LAT: variants seen among roughly 807,000 people sequenced by gnomAD.
LAT encodes the protein linker for activation of T cells.
In LAT, 12 loss-of-function variants were observed where a neutral mutation model predicts 39.1. That is an observed-to-expected ratio of 0.31 (90% confidence interval 0.20 to 0.50). The LOEUF (loss-of-function observed/expected upper bound fraction) is 0.50, where lower values mean the gene tolerates loss of function less well. Ranked by LOEUF, LAT falls within the 20% of genes least tolerant of loss-of-function variation. LAT has a pLI of 0.98. For missense variants in LAT, 253 were observed against 308.0 expected (o/e 0.82, Z 1.34); for synonymous variants, 117 against 123.8 (o/e 0.95, Z 0.36).
rs1185943597 is a variant in LAT, at chr16:28,985,534, TG to T, written c.100+22del. 6.2e-7 allele frequency: 1 copy of T among 1,612,008 alleles called. No homozygotes were observed. Among genetic ancestry groups the T allele is most frequent in the Non-Finnish European group, 8.5e-7 (1 of 1,178,820 alleles). Reference sequence around the variant, plus strand: ...GACTGCCAGGTGAGTGGGAAACTGGTGGGGGTACCCAGGGCCCAGGGACACC... The same window carrying T: ...GACTGCCAGGTGAGTGGGAAACTGGTGGGGTACCCAGGGCCCAGGGACACC... On this transcript the variant is annotated intron_variant, in intron 1 of 11. Transcript: ENST00000395456. The surrounding 1 kb of genome is among the most constrained non-coding windows in gnomAD (Gnocchi z 4.6).
In LAT at chr16:28,990,640, A is replaced by C. The variant is rs1038493798; in HGVS notation, c.*459A>C. On this transcript the variant is annotated 3_prime_UTR_variant, in exon 12 of 12. Transcript: ENST00000395456. Reference sequence around the variant, plus strand: ...GCTGGGGGTGAGGACACATTGCCCCATGAGACAGTCCCAGAACACGGCAGC... The same window carrying C: ...GCTGGGGGTGAGGACACATTGCCCCCTGAGACAGTCCCAGAACACGGCAGC... 3 of 188,722 alleles carry C rather than the reference A, an allele frequency of 1.6e-5. No homozygotes were observed. Among genetic ancestry groups the C allele is most frequent in the Admixed American group, 5.8e-5 (1 of 17,364 alleles). The allele number at this position is 188,722 out of a possible 1,614,324, so 11.7% of individuals were successfully genotyped here. A position where few individuals can be genotyped will look rare whatever the true frequency, so the allele number is the denominator to read the frequency against.
chr16:28,986,613 G>C lies in LAT; in HGVS notation c.340+44G>C. The stretch of plus-strand genomic sequence containing the variant: ...GTGCCCAGGCTGGGTGGGGAGTCTG[G>C]GGTCCGTCCTGGACTAGGCTGACCC... On this transcript the variant is annotated intron_variant, in intron 6 of 11. Transcript: ENST00000395456. The surrounding 1 kb of genome is among the most constrained non-coding windows in gnomAD (Gnocchi z 5.7). 1.2e-6 allele frequency: 2 copies of C among 1,613,900 alleles called. No individual in the cohort carries two copies. Among genetic ancestry groups the C allele is most frequent in the East Asian group, 4.5e-5 (2 of 44,876 alleles).
Position 28,986,587 on chromosome 16 carries a change from G to A in LAT, c.340+18G>A, listed in dbSNP as rs775238350. 9 of 1,613,638 alleles carry A rather than the reference G, an allele frequency of 5.6e-6. No homozygotes were observed. The highest frequency in any genetic ancestry group is 7.6e-6 in the Non-Finnish European group (9 of 1,179,658). On this transcript the variant is annotated intron_variant, in intron 6 of 11. Transcript: ENST00000395456. The surrounding 1 kb of genome is among the most constrained non-coding windows in gnomAD (Gnocchi z 5.7). ...GAACGAGGGTGCGTCTGGGATCCGA[G>A]GTGCCCAGGCTGGGTGGGGAGTCTG...
chr16:28,986,766 C>G lies in LAT; in HGVS notation c.399-33C>G, dbSNP rs372754605. On this transcript the variant is annotated intron_variant, in intron 7 of 11. Coordinates refer to ENST00000395456, the MANE Select transcript of LAT (RefSeq NM_001014987.2). The surrounding 1 kb of genome is among the most constrained non-coding windows in gnomAD (Gnocchi z 5.7). Reference sequence around the variant, plus strand: ...GTGAGGGCTGAGGCTGTGCGTCCCCCCTTGCTCACCGGCCCTTTTCACTTC... The same window carrying G: ...GTGAGGGCTGAGGCTGTGCGTCCCCGCTTGCTCACCGGCCCTTTTCACTTC... The G allele has an allele frequency of 1.2e-6, 2 of 1,610,920 alleles. No individual in the cohort carries two copies. Among genetic ancestry groups the G allele is most frequent in the East Asian group, 2.2e-5 (1 of 44,834 alleles).
In LAT at chr16:28,985,164, C is replaced by G; in HGVS notation, c.-254C>G. 1 of 1,429,390 alleles carries G rather than the reference C, an allele frequency of 7.0e-7. No individual in the cohort carries two copies. Among genetic ancestry groups the G allele is most frequent in the Non-Finnish European group, 9.1e-7 (1 of 1,096,446 alleles). The allele number at this position is 1,429,390 out of a possible 1,614,324, so 88.5% of individuals were successfully genotyped here. A position where few individuals can be genotyped will look rare whatever the true frequency, so the allele number is the denominator to read the frequency against. On this transcript the variant is annotated 5_prime_UTR_variant, in exon 1 of 12. Transcript: ENST00000395456. The surrounding 1 kb of genome is among the most constrained non-coding windows in gnomAD (Gnocchi z 4.6). ...CTGGATCCCCCGACTTCAGCCCAGG[C>G]CCTGGTCTGACCACCCTGGGAGCAG...
At chr16:28,989,650 G>A (rs1965829804) in intron 9 of LAT, 61 bp downstream of exon 9, 7 of 1,588,174 alleles carry the variant, frequency 4.4e-6, no homozygotes, top group Admixed American at 3.4e-5. Flanking sequence ...CATGCTCTCA[G>A]TGTGACCAGA....
rs763428554 is a variant in LAT at position 28,990,659 on chromosome 16, C to G, written c.*478C>G. ...TGCCCCATGAGACAGTCCCAGAACA[C>G]GGCAGCTGCTGGCTGTGACAATGGT... On this transcript the variant is annotated 3_prime_UTR_variant, in exon 12 of 12. Coordinates refer to ENST00000395456, the MANE Select transcript of LAT (RefSeq NM_001014987.2). 5.9e-6 allele frequency: 1 copy of G among 168,752 alleles called. No individual in the cohort carries two copies. The highest frequency in any genetic ancestry group is 2.4e-5 in the African/African-American group (1 of 41,646). The allele number at this position is 168,752 out of a possible 1,614,324, so 10.5% of individuals were successfully genotyped here.
intron 11 of LAT, 79 bp downstream of exon 11, chr16:28,990,098 C>A: frequency 8.2e-7 from 1 of 1,219,746 alleles, no homozygotes; most frequent in Non-Finnish European, 1.2e-6. Context: ...CTTGCCCAAC[C>A]CTACCTCTGG....
Position 28,985,716 on chromosome 16 carries a change from C to T in LAT, c.104C>T (p.Ser35Phe), listed in dbSNP as rs1400700959. ...TCACCAGCCCTCTCTTTCCCAGGCT[C>T]CTACGACAGCACATCCTCAGATAGG... ...LCVHCHRLPGSYDSTSSDSLY... is the reference protein window; with the variant it reads ...LCVHCHRLPGFYDSTSSDSLY... Residue 35 changes from serine to phenylalanine, a missense_variant, in exon 2 of 12, where the codon TCC (serine) becomes TTC (phenylalanine). By Grantham distance (155) the Ser-to-Phe change is radical. Coordinates refer to ENST00000395456, the MANE Select transcript of LAT (RefSeq NM_001014987.2). The surrounding 1 kb of genome is among the most constrained non-coding windows in gnomAD (Gnocchi z 4.6). 1 of 1,613,978 alleles carries T rather than the reference C, an allele frequency of 6.2e-7. No individual in the cohort carries two copies. The highest frequency in any genetic ancestry group is 8.5e-7 in the Non-Finnish European group (1 of 1,179,962).
rs761564318 is a variant in LAT, at chr16:28,985,392, C to T, written c.-26C>T. 6.8e-6 allele frequency: 11 copies of T among 1,612,408 alleles called. No individual in the cohort carries two copies. Among genetic ancestry groups the T allele is most frequent in the African/African-American group, 5.3e-5 (4 of 74,902 alleles). On this transcript the variant is annotated 5_prime_UTR_variant, in exon 1 of 12. Coordinates refer to ENST00000395456, the MANE Select transcript of LAT (RefSeq NM_001014987.2). The surrounding 1 kb of genome is among the most constrained non-coding windows in gnomAD (Gnocchi z 4.6). ...GCCCTTGAGGGGCCTAGGGGTGCAG[C>T]CAGCCTGCTCCGAGCTCCCCTGCAG...
At position 28,985,199 on chromosome 16, in the gene LAT, A is replaced by G. The variant is rs1351612377; in HGVS notation, c.-219A>G. The G allele has an allele frequency of 1.5e-5, 21 of 1,429,114 alleles. No homozygotes were observed. The highest frequency in any genetic ancestry group is 1.0e-4 in the East Asian group (4 of 39,620). The allele number at this position is 1,429,114 out of a possible 1,614,324, so 88.5% of individuals were successfully genotyped here. On this transcript the variant is annotated 5_prime_UTR_variant, in exon 1 of 12. Transcript: ENST00000395456. This position sits in a 1 kb window ranked among gnomAD's most constrained non-coding sequence, Gnocchi z 4.6. ...ACCACCCTGGGAGCAGGGACTTTCC[A>G]CAGTCAGCTGGACGCACACTCAGCC...
rs1296361067 is a variant in LAT at position 28,986,512 on chromosome 16, T to G, written c.311-28T>G. ...AAGATAGGCCTGGCCTGAGCTGACT[T>G]AGTCTCCCTCTCACCCTCTCTTTGA... On this transcript the variant is annotated intron_variant, in intron 5 of 11. Transcript: ENST00000395456. This position sits in a 1 kb window ranked among gnomAD's most constrained non-coding sequence, Gnocchi z 5.7. 1.9e-6 allele frequency: 3 copies of G among 1,610,284 alleles called. No individual in the cohort carries two copies. The highest frequency in any genetic ancestry group is 2.5e-6 in the Non-Finnish European group (3 of 1,177,066).
rs763554523 is a variant in LAT at position 28,986,418 on chromosome 16, G to T, written c.282G>T (p.Thr94=). 6.2e-7 allele frequency: 1 copy of T among 1,613,938 alleles called. No individual in the cohort carries two copies. The highest frequency in any genetic ancestry group is 8.5e-7 in the Non-Finnish European group (1 of 1,180,038). ...AGCCCCTTGGGGGCTCCCACCGGACGCCATCTTCCCGGCGGGATTCTGATG... is the reference window on the plus strand; with the variant it reads ...AGCCCCTTGGGGGCTCCCACCGGACTCCATCTTCCCGGCGGGATTCTGATG... ...SPQPLGGSHR[T]PSSRRDSDGA... is the part of the protein sequence containing the mutation. Residue 94 remains threonine, a synonymous_variant, in exon 5 of 12, where the codon ACG becomes ACT. Coordinates refer to ENST00000395456, the MANE Select transcript of LAT (RefSeq NM_001014987.2). This position sits in a 1 kb window ranked among gnomAD's most constrained non-coding sequence, Gnocchi z 5.7.
At chr16:28,984,987 TG>T, upstream of LAT, 1 of 1,438,126 alleles carries the variant, frequency 7.0e-7, no homozygotes, top group Non-Finnish European at 9.2e-7. Flanking sequence ...GCGGGTGGGG[TG>T]GGAAGGGGGC....
chr16:28,985,709 C>T lies in LAT; in HGVS notation c.101-4C>T. On this transcript the variant is annotated splice_polypyrimidine_tract_variant and splice_region_variant and intron_variant, in intron 1 of 11. Coordinates refer to ENST00000395456, the MANE Select transcript of LAT (RefSeq NM_001014987.2). This position sits in a 1 kb window ranked among gnomAD's most constrained non-coding sequence, Gnocchi z 4.6. ...TCCTGCCTCACCAGCCCTCTCTTTC[C>T]CAGGCTCCTACGACAGCACATCCTC... The T allele has an allele frequency of 6.2e-7, 1 of 1,613,854 alleles. No individual in the cohort carries two copies. The highest frequency in any genetic ancestry group is 1.1e-5 in the South Asian group (1 of 91,072).
intron 8 of LAT, chr16:28,989,027 G>C (rs1426937519): frequency 6.6e-6 from 1 of 152,368 alleles, no homozygotes; most frequent in Non-Finnish European, 1.4e-5. Context: ...CAAACAAAAA[G>C]CTCCCAAATA....
At position 28,986,048 on chromosome 16, in the gene LAT, GGT is replaced by G; in HGVS notation, c.164-83_164-82del. 2 of 1,392,272 alleles carry G rather than the reference GGT, an allele frequency of 1.4e-6. No homozygotes were observed. Among genetic ancestry groups the G allele is most frequent in the Non-Finnish European group, 2.0e-6 (2 of 987,940 alleles). The allele number at this position is 1,392,272 out of a possible 1,614,324, so 86.2% of individuals were successfully genotyped here. ...AGATGGCTCCCCCAGGCCTGTCCAG[GGT>G]GTGGGGCTTTCAGGGGCTTAGTCTG... On this transcript the variant is annotated intron_variant, in intron 3 of 11. Coordinates refer to ENST00000395456, the MANE Select transcript of LAT (RefSeq NM_001014987.2). The surrounding 1 kb of genome is among the most constrained non-coding windows in gnomAD (Gnocchi z 5.7).
intron 11 of LAT, 34 bp downstream of exon 11, chr16:28,990,053 G>A (rs373946823): frequency 6.4e-7 from 1 of 1,558,104 alleles, no homozygotes; most frequent in African/African-American, 1.4e-5. Context: ...CCCTGCCCTG[G>A]GCCCACAGGC....
At position 28,985,950 on chromosome 16, in the gene LAT, G is replaced by C; in HGVS notation, c.163+62G>C. 1 of 1,579,134 alleles carries C rather than the reference G, an allele frequency of 6.3e-7. No individual in the cohort carries two copies. Among genetic ancestry groups the C allele is most frequent in the Non-Finnish European group, 8.7e-7 (1 of 1,148,646 alleles). ...GGAGAGGGTCCCCTGGTGTGGGAGT[G>C]AGCGTGAACCTTCAGACTTCCCCTG... On this transcript the variant is annotated intron_variant, in intron 3 of 11. Coordinates refer to ENST00000395456, the MANE Select transcript of LAT (RefSeq NM_001014987.2). The surrounding 1 kb of genome is among the most constrained non-coding windows in gnomAD (Gnocchi z 4.6).
Sources: gnomAD v4.1 joint callset for allele counts on GRCh38, gnomAD v4.1.1 for gene constraint, Gnocchi (gnomAD v3.1) non-coding constraint, MANE v1.5 for transcripts, NCBI Gene and HGNC (gene_info 2026-07-23, HGNC 2026-07-21) for gene names.